The following LRTM3 variants were observed in gnomAD, a reference collection of about 807,000 sequenced individuals.
LRTM3 encodes the protein leucine rich repeat transmembrane protein 3, also known as leucine-rich repeat transmembrane protein 3.
At chr13:102,750,119 G>A in the LRTM3 span, 1 of 1,551,068 alleles carries the variant, frequency 6.4e-7, no homozygotes, top group East Asian at 2.4e-5. Flanking sequence ...TTTCTTGGAG[G>A]AAAATTGTAT....
At chr13:102,731,038 A>G in the LRTM3 span, 1 of 1,551,348 alleles carries the variant, frequency 6.4e-7, no homozygotes, top group Non-Finnish European at 8.7e-7. Flanking sequence ...TTTTCACAGA[A>G]AAGTGCATGA....
At chr13:102,759,066 C>T in the LRTM3 span, 4 of 603,780 alleles carry the variant, frequency 6.6e-6, no homozygotes, top group East Asian at 2.8e-5. Flanking sequence ...GGTATCTTAT[C>T]AAGTGCAGCA....
chr13:102,734,565 T>A, the LRTM3 span: 1 of 1,551,330 alleles, frequency 6.4e-7, no homozygotes, highest in Non-Finnish European at 8.7e-7. Context: ...GTGCCTCTCA[T>A]ATCGATTATT....
the LRTM3 span, chr13:102,746,121 C>T: frequency 2.6e-6 from 4 of 1,550,966 alleles, no homozygotes; most frequent in Non-Finnish European, 2.6e-6. Flanking sequence ...AGACTAGTCT[C>T]TAAAGTAGTT....
At chr13:102,734,489 A>C in the LRTM3 span, 1 of 1,551,262 alleles carries the variant, frequency 6.4e-7, no homozygotes, top group Non-Finnish European at 8.7e-7. Context: ...TCCAATGTTC[A>C]CATGCAGTTC....
the LRTM3 span, chr13:102,744,496 T>C: frequency 6.4e-7 from 1 of 1,550,742 alleles, no homozygotes; most frequent in South Asian, 1.2e-5. Context: ...TTATTCCTTC[T>C]TGCATATGAG....
At chr13:102,752,041 T>C in the LRTM3 span, among the ~76,000 whole-genome samples, 1 of 152,128 alleles carries the variant, frequency 6.6e-6, no homozygotes, top group Non-Finnish European at 1.5e-5. Context: ...GACCAGATGC[T>C]GCCCCTCCCT....
At chr13:102,730,904 C>T in the LRTM3 span, 1,283 of 1,551,146 alleles carry the variant, frequency 8.3e-4, 14 homozygotes, top group African/African-American at 4.4e-4. Context: ...TCTGTTTTGT[C>T]GTTTTGGTCC....
the LRTM3 span, chr13:102,758,457 AT>A: frequency 6.5e-7 from 1 of 1,539,172 alleles, no homozygotes; most frequent in African/African-American, 1.4e-5. Flanking sequence ...CTGGAGCTGA[AT>A]AGGAATAAAA....
At chr13:102,756,801 T>G in the LRTM3 span, among the ~76,000 whole-genome samples, 13 of 151,892 alleles carry the variant, frequency 8.6e-5, no homozygotes, top group African/African-American at 2.9e-4. Context: ...GAGCCATATC[T>G]TTTCTCTAAT....
the LRTM3 span, chr13:102,736,289 T>C: frequency 1.3e-6 from 2 of 1,551,110 alleles, no homozygotes; most frequent in South Asian, 1.2e-5. Context: ...CATGCCCCAC[T>C]GTGGCTCCTT....
the LRTM3 span, among the ~76,000 whole-genome samples, chr13:102,753,977 G>A: frequency 3.5e-4 from 53 of 152,132 alleles, no homozygotes; most frequent in Non-Finnish European, 7.1e-4. Context: ...CTGGGAGGCC[G>A]AAGCAGGTGG....
the LRTM3 span, chr13:102,758,698 T>G: frequency 6.5e-7 from 1 of 1,535,736 alleles, no homozygotes. Context: ...CCATTTATTC[T>G]TACCTCCTGG....
the LRTM3 span, chr13:102,749,719 T>C: frequency 1.3e-6 from 2 of 1,551,294 alleles, no homozygotes; most frequent in East Asian, 2.4e-5. Flanking sequence ...TAATTGATTC[T>C]TGGTTATGAT....
At chr13:102,736,238 G>C in the LRTM3 span, 4 of 1,549,578 alleles carry the variant, frequency 2.6e-6, no homozygotes, top group Non-Finnish European at 3.5e-6. Flanking sequence ...AATCACATGA[G>C]GACGTCCTGT....
At chr13:102,735,086 C>T in the LRTM3 span, 32 of 1,551,112 alleles carry the variant, frequency 2.1e-5, no homozygotes, top group African/African-American at 2.7e-5. Flanking sequence ...TCTAGAAGGA[C>T]TCTTAGACAA....
At chr13:102,734,832 C>G in the LRTM3 span, 1 of 1,551,132 alleles carries the variant, frequency 6.4e-7, no homozygotes, top group East Asian at 2.4e-5. Context: ...TGCACCTTCT[C>G]TTCCTGATGT....
chr13:102,734,183 C>T, the LRTM3 span: 1 of 1,551,416 alleles, frequency 6.4e-7, no homozygotes, highest in Non-Finnish European at 8.7e-7. Flanking sequence ...TATCCTGAAC[C>T]TCATATCTAT....
At chr13:102,745,080 C>G in the LRTM3 span, 30 of 1,550,718 alleles carry the variant, frequency 1.9e-5, no homozygotes, top group Middle Eastern at 1.7e-4. Flanking sequence ...TGTATTGGCT[C>G]TGCAGGCTGA....
Sources: allele counts gnomAD v4.1 joint callset (sites outside exome capture counted in the v4.1 genomes callset), GRCh38; gene constraint gnomAD v4.1.1; transcripts MANE v1.5; gene names NCBI Gene and HGNC (gene_info 2026-07-23, HGNC 2026-07-21).